FSTL5: variants seen among roughly 807,000 people sequenced by gnomAD.
FSTL5 encodes follistatin like 5, also known as follistatin-related protein 5.
A neutral mutation model predicts 89.1 loss-of-function variants in FSTL5; 62 were observed. That is an observed-to-expected ratio of 0.70 (90% CI 0.57 to 0.86). The LOEUF is 0.86. Among genes scored for constraint, FSTL5 ranks in the 40% least tolerant of loss-of-function variants. The pLI, the probability that FSTL5 is intolerant of heterozygous loss-of-function variation, is 0.00. For synonymous variants in FSTL5, 383 were observed against 346.2 expected (o/e 1.11, Z -1.18); for missense variants, 1,057 against 1,001.6 (o/e 1.06, Z -0.75).
chr4:162,090,587 G>A (rs961926051), intron 2 of FSTL5, among the ~76,000 whole-genome samples: 2 of 152,084 alleles, frequency 1.3e-5, no homozygotes, highest in African/African-American at 4.8e-5. Context: ...TTTGGAGGTT[G>A]AGGCAGGTGG....
intron 6 of FSTL5, among the ~76,000 whole-genome samples, chr4:161,689,835 C>G (rs1193240111): frequency 6.6e-6 from 1 of 152,112 alleles, no homozygotes; most frequent in Non-Finnish European, 1.5e-5. Context: ...CTGACAACTA[C>G]TAATCAGCTT....
chr4:161,467,099 A>G (rs1175230726), intron 13 of FSTL5, among the ~76,000 whole-genome samples: 1 of 152,170 alleles, frequency 6.6e-6, no homozygotes, highest in African/African-American at 2.4e-5. Context: ...TTCAAAGTTT[A>G]CATTTCAATA....
At chr4:162,053,362 T>C (rs1302505993) in intron 2 of FSTL5, among the ~76,000 whole-genome samples, 2 of 151,786 alleles carry the variant, frequency 1.3e-5, no homozygotes, top group Non-Finnish European at 3.0e-5. Flanking sequence ...TAAAATGGTC[T>C]TTTTTTAGTA....
rs1043939702 is a variant in FSTL5, at chr4:161,408,290, A to G, written c.1842-21841T>C. Among the ~76,000 whole-genome samples, 4 of 152,328 alleles carry G rather than the reference A, an allele frequency of 2.6e-5. No homozygotes were observed. In the South Asian group the frequency reaches 6.2e-4, roughly 24 times the overall value. The stretch of plus-strand genomic sequence containing the variant: ...GCTCTCAATCAGCATTTATTGGATC[A>G]CAGCCTAAACTTCAACACCAAAAAT... On this transcript the variant is annotated intron_variant, in intron 15 of 15. Transcript: ENST00000306100.
At chr4:162,031,666 G>A (rs1481380110) in intron 3 of FSTL5, among the ~76,000 whole-genome samples, 7 of 152,204 alleles carry the variant, frequency 4.6e-5, no homozygotes, top group East Asian at 1.9e-4. Flanking sequence ...GGCCGGGCGC[G>A]GTGGCTCAAG....
intron 6 of FSTL5, among the ~76,000 whole-genome samples, chr4:161,692,470 T>G (rs955569468): frequency 6.6e-6 from 1 of 152,112 alleles, no homozygotes; most frequent in Non-Finnish European, 1.5e-5. Flanking sequence ...TGCACAGGTT[T>G]GGACCCTAAC....
chr4:161,487,123 T>C (rs1333865554), intron 12 of FSTL5, among the ~76,000 whole-genome samples: 2 of 152,198 alleles, frequency 1.3e-5, no homozygotes, highest in Non-Finnish European at 2.9e-5. Flanking sequence ...CAATGAATCA[T>C]ATATTATATT....
chr4:161,521,101 A>G (rs1012080535), intron 10 of FSTL5, among the ~76,000 whole-genome samples: 5 of 152,206 alleles, frequency 3.3e-5, no homozygotes, highest in Non-Finnish European at 7.3e-5. Flanking sequence ...GCTTAAAATG[A>G]CATAATAAGC....
At chr4:161,498,310 C>G (rs1265057205) in intron 12 of FSTL5, among the ~76,000 whole-genome samples, 1 of 152,014 alleles carries the variant, frequency 6.6e-6, no homozygotes, top group Non-Finnish European at 1.5e-5. Context: ...ACTGTCACAT[C>G]AAATTTTTGC....
intron 3 of FSTL5, among the ~76,000 whole-genome samples, chr4:161,952,134 A>C (rs935160466): frequency 3.3e-5 from 5 of 152,050 alleles, no homozygotes; most frequent in African/African-American, 1.2e-4. Context: ...GGGTTATAAG[A>C]AGTCAAATAA....
chr4:161,812,610 G>A (rs2082669), intron 4 of FSTL5, among the ~76,000 whole-genome samples: 117,768 of 151,922 alleles, frequency 0.78, 45,936 homozygotes, highest in Non-Finnish European at 0.83. Flanking sequence ...TTAAAGTAGT[G>A]TTTGGCACAT....
chr4:161,937,084 CA>C (rs1318558459), intron 3 of FSTL5, among the ~76,000 whole-genome samples: 4 of 151,816 alleles, frequency 2.6e-5, no homozygotes, highest in African/African-American at 9.7e-5. Context: ...AAGATAAGAC[CA>C]AAATAAACAA....
chr4:161,400,869 A>T (rs371708772), intron 15 of FSTL5, among the ~76,000 whole-genome samples: 3 of 152,252 alleles, frequency 2.0e-5, no homozygotes, highest in African/African-American at 7.2e-5. Flanking sequence ...TTATTATGTT[A>T]TCAGAGATCA....
chr4:162,043,124 G>C (rs538575495), intron 2 of FSTL5: 1 of 152,192 alleles, frequency 6.6e-6, no homozygotes, highest in South Asian at 2.1e-4. Context: ...CAACAAAAAA[G>C]AAAATGTTCT....
intron 7 of FSTL5, among the ~76,000 whole-genome samples, chr4:161,616,005 T>C (rs1734853538): frequency 6.6e-6 from 1 of 152,128 alleles, no homozygotes; most frequent in Non-Finnish European, 1.5e-5. Context: ...ACACATTCTA[T>C]AATTTTTCCT....
rs1733966823 is a variant in FSTL5, at chr4:161,920,583, A to T, written c.230T>A (p.Val77Asp). 1 of 1,613,908 alleles carries T rather than the reference A, an allele frequency of 6.2e-7. No individual in the cohort carries two copies. The highest frequency in any genetic ancestry group is 1.7e-5 in the Admixed American group (1 of 59,976). ...TGCTTGCCCTGTCTCTCTGCTGGTA[A>T]CACAGTGTCTTCCCAAACCACAGTA... ...NKYCGLGRHC[V>D]TSRETGQAEC... The change falls in exon 4 of 16, where the codon GTT (valine) becomes GAT (aspartate). Residue 77 changes from valine to aspartate, a missense_variant. Physicochemically the swap from Val to Asp is radical, Grantham distance 152. Transcript: ENST00000306100.
chr4:161,774,596 G>A (rs927604628), intron 5 of FSTL5, among the ~76,000 whole-genome samples: 2 of 151,852 alleles, frequency 1.3e-5, no homozygotes, highest in Non-Finnish European at 2.9e-5. Flanking sequence ...CCGTGGCTAT[G>A]GTGGTGCAGA....
At chr4:161,495,792 T>C (rs1730048340) in intron 12 of FSTL5, among the ~76,000 whole-genome samples, 1 of 152,126 alleles carries the variant, frequency 6.6e-6, no homozygotes, top group Non-Finnish European at 1.5e-5. Flanking sequence ...AAATATTATA[T>C]TCATATTTAA....
intron 5 of FSTL5, among the ~76,000 whole-genome samples, chr4:161,763,067 C>G: frequency 6.6e-6 from 1 of 152,118 alleles, no homozygotes; most frequent in African/African-American, 2.4e-5. Context: ...AATAAAAAAA[C>G]TTGACCATCC....
Sources: allele counts gnomAD v4.1 joint callset (sites outside exome capture counted in the v4.1 genomes callset), GRCh38; gene constraint gnomAD v4.1.1; transcripts MANE v1.5; gene names NCBI Gene and HGNC (gene_info 2026-07-23, HGNC 2026-07-21).